DIP2C: variants seen among roughly 807,000 people sequenced by gnomAD.
DIP2C encodes the protein disco-interacting protein 2 homolog C.
A neutral mutation model predicts 192.4 loss-of-function variants in DIP2C; 33 were observed. The ratio of observed to expected loss-of-function variants is 0.17; its 90% CI spans 0.13 to 0.23. The LOEUF (loss-of-function observed/expected upper bound fraction) is 0.23, where lower values mean the gene tolerates loss of function less well. Among genes scored for constraint, DIP2C ranks in the 10% least tolerant of loss-of-function variants. DIP2C has a pLI of 1.00. For synonymous variants in DIP2C, 979 were observed against 864.1 expected, an observed-to-expected ratio of 1.13 and a Z score of -2.33; for missense variants, 1,537 against 2,110.1, an observed-to-expected ratio of 0.73 and a Z score of 5.32.
chr10:561,223 T>G (rs918166743), intron 1 of DIP2C, among the ~76,000 whole-genome samples: 1 of 152,188 alleles, frequency 6.6e-6, no homozygotes, highest in Admixed American at 6.5e-5. Flanking sequence ...AATAAATCTC[T>G]TTAAATACCT....
At chr10:558,472 AAGGC>A (rs1318052037) in intron 1 of DIP2C, among the ~76,000 whole-genome samples, 5 of 152,178 alleles carry the variant, frequency 3.3e-5, no homozygotes, top group Non-Finnish European at 7.4e-5. Flanking sequence ...TGGGGGAACA[AAGGC>A]AGGCACCCTC....
intron 1 of DIP2C, among the ~76,000 whole-genome samples, chr10:557,836 A>AGGCAGGCAGGAAGTGGGAGGGGGCAGG (rs1848981795): frequency 2.6e-5 from 2 of 75,742 alleles, no homozygotes; most frequent in South Asian, 8.1e-4. Context: ...GAAGGCAGGC[A>AGGCAGGCAGGAAGTGGGAGGGGGCAGG]GGCAGGCAGG....
At chr10:603,079 C>T (rs191839730) in intron 1 of DIP2C, among the ~76,000 whole-genome samples, 237 of 152,084 alleles carry the variant, frequency 1.6e-3, no homozygotes, top group Middle Eastern at 0.01. Context: ...CTAATTTGCA[C>T]GGGAAAATGC....
chr10:683,960 G>C (rs1032501898), intron 1 of DIP2C, among the ~76,000 whole-genome samples: 2 of 152,258 alleles, frequency 1.3e-5, no homozygotes, highest in Non-Finnish European at 2.9e-5. Flanking sequence ...TCCAGTGTGA[G>C]GCAGAACAGA....
intron 4 of DIP2C, among the ~76,000 whole-genome samples, chr10:432,714 GTTC>G: frequency 6.6e-6 from 1 of 151,918 alleles, no homozygotes; most frequent in East Asian, 1.9e-4. Context: ...TTAATTTGCT[GTTC>G]TTTTTCTAGT....
intron 10 of DIP2C, among the ~76,000 whole-genome samples, chr10:396,760 G>A (rs1377572693): frequency 6.6e-6 from 1 of 150,468 alleles, no homozygotes; most frequent in Admixed American, 6.6e-5. Context: ...CCCAGGGGAT[G>A]AGAAAGCACC....
At chr10:683,015 T>C (rs1215271300) in intron 1 of DIP2C, among the ~76,000 whole-genome samples, 2 of 152,200 alleles carry the variant, frequency 1.3e-5, no homozygotes, top group Non-Finnish European at 2.9e-5. Context: ...CACAAAGCAC[T>C]TAGTAAAAAG....
intron 1 of DIP2C, among the ~76,000 whole-genome samples, chr10:535,594 G>C (rs1027351062): frequency 2.6e-5 from 4 of 152,092 alleles, no homozygotes; most frequent in African/African-American, 9.7e-5. Flanking sequence ...CGAAACACAC[G>C]AGATTCAGTG....
At chr10:626,150 G>A (rs202054307) in intron 1 of DIP2C, among the ~76,000 whole-genome samples, 141 of 152,320 alleles carry the variant, frequency 9.3e-4, no homozygotes, top group South Asian at 1.0e-3. Flanking sequence ...TGACACTAAC[G>A]AGTGCCGATG....
intron 1 of DIP2C, among the ~76,000 whole-genome samples, chr10:521,454 T>C (rs891033078): frequency 8.5e-5 from 13 of 152,182 alleles, no homozygotes; most frequent in African/African-American, 2.9e-4. Flanking sequence ...CCCAGGCACA[T>C]GCTTACAAGT....
chr10:602,166 T>C (rs1181007591), intron 1 of DIP2C, among the ~76,000 whole-genome samples: 1 of 152,062 alleles, frequency 6.6e-6, no homozygotes, highest in Non-Finnish European at 1.5e-5. Flanking sequence ...ACACCAAGGT[T>C]TTTACAGTCT....
chr10:475,710 G>A (rs1297888185), intron 2 of DIP2C, among the ~76,000 whole-genome samples: 2 of 152,200 alleles, frequency 1.3e-5, no homozygotes, highest in African/African-American at 2.4e-5. Flanking sequence ...CAAAAGAAAC[G>A]AGTATGAATG....
At chr10:531,541 A>AG (rs1010456049) in intron 1 of DIP2C, among the ~76,000 whole-genome samples, 56 of 152,252 alleles carry the variant, frequency 3.7e-4, no homozygotes, top group African/African-American at 1.2e-3. Flanking sequence ...CTAACACCAA[A>AG]GGTTCAGGGC....
chr10:534,256 G>T (rs1395913314), intron 1 of DIP2C, among the ~76,000 whole-genome samples: 1 of 152,172 alleles, frequency 6.6e-6, no homozygotes, highest in Non-Finnish European at 1.5e-5. Context: ...AAACGGGGAG[G>T]TGCAACTCTC....
chr10:619,510 A>ACGCCAG (rs1853702588), intron 1 of DIP2C, among the ~76,000 whole-genome samples: 3 of 127,706 alleles, frequency 2.3e-5, no homozygotes, highest in African/African-American at 1.1e-4. Context: ...CACAGGCTTT[A>ACGCCAG]TGCCAGGGCC....
At chr10:309,374 C>G (rs1279875668) in intron 32 of DIP2C, among the ~76,000 whole-genome samples, 1 of 152,028 alleles carries the variant, frequency 6.6e-6, no homozygotes, top group Admixed American at 6.6e-5. Context: ...AGCATCTTGA[C>G]AAAACATTTC....
chr10:384,248 C>T, intron 15 of DIP2C, 102 bp from the exon 16 acceptor site: 1 of 1,152,888 alleles, frequency 8.7e-7, no homozygotes. Flanking sequence ...TGAAGAATCA[C>T]TGGTCACCCA....
At chr10:277,621 C>T in intron 36 of DIP2C, 44 bp from the exon 37 acceptor site, 1 of 1,602,620 alleles carries the variant, frequency 6.2e-7, no homozygotes, top group Non-Finnish European at 8.5e-7. Flanking sequence ...TTTATTAATG[C>T]TTTATTTAAT....
At chr10:534,981 G>A (rs1248161788) in intron 1 of DIP2C, among the ~76,000 whole-genome samples, 4 of 152,176 alleles carry the variant, frequency 2.6e-5, no homozygotes, top group African/African-American at 4.8e-5. Context: ...CGGCCTGGAT[G>A]ATTATTTTTA....
Sources: gnomAD v4.1 joint callset for allele counts (sites outside exome capture counted in the v4.1 genomes callset) on GRCh38, gnomAD v4.1.1 for gene constraint, MANE v1.5 for transcripts, NCBI Gene and HGNC (gene_info 2026-07-23, HGNC 2026-07-21) for gene names.